NBPF26: variants seen among roughly 807,000 people sequenced by gnomAD.
NBPF26 encodes NBPF family member NBPF26.
A neutral mutation model predicts 119.6 loss-of-function variants in NBPF26; 79 were observed. The ratio of observed to expected loss-of-function variants is 0.66; its 90% CI spans 0.55 to 0.80. The LOEUF (loss-of-function observed/expected upper bound fraction) is 0.80. NBPF26 is among the 30% of genes least tolerant of loss of function. The pLI, the probability that NBPF26 is intolerant of heterozygous loss-of-function variation, is 0.00. For synonymous variants in NBPF26, 299 were observed against 457.7 expected, an observed-to-expected ratio of 0.65 and a Z score of 4.43; for missense variants, 800 against 1,198.2, an observed-to-expected ratio of 0.67 and a Z score of 4.91.
At chr1:120,730,180 T>C (rs1324919296) in intron 1 of NBPF26, among the ~76,000 whole-genome samples, 1 of 7,502 alleles carries the variant, frequency 1.3e-4, no homozygotes, top group Non-Finnish European at 2.4e-4. Flanking sequence ...TGGTGTCCAC[T>C]AAAGAATTCT....
At chr1:120,777,825 C>T (rs1425283857) in intron 2 of NBPF26, among the ~76,000 whole-genome samples, 1 of 110,660 alleles carries the variant, frequency 9.0e-6, no homozygotes, top group Non-Finnish European at 1.7e-5. Flanking sequence ...AGTTAGTTAC[C>T]TTTACACAGA....
At chr1:120,812,921 AAATAAT>A (rs1209954653) in intron 10 of NBPF26, among the ~76,000 whole-genome samples, 1,638 of 111,302 alleles carry the variant, frequency 0.015, 76 homozygotes, top group Middle Eastern at 0.045. Flanking sequence ...AGACTGCTAA[AAATAAT>A]AATAATAATA....
intron 4 of NBPF26, among the ~76,000 whole-genome samples, chr1:120,794,350 G>C (rs1419899811): frequency 9.1e-6 from 1 of 109,930 alleles, no homozygotes; most frequent in Admixed American, 9.0e-5. Context: ...CAAGAATTTT[G>C]ATTGGGAACA....
rs1187906003 is a variant in NBPF26, at chr1:120,760,195, T to C, written c.74-3433T>C. ...TCTACCACAGCTTTTTTTTTTTTTT[T>C]TTTTTTTTTTGAGATGGAGTCTCTC... On this transcript the variant is annotated intron_variant, in intron 1 of 29. Coordinates refer to ENST00000620612, the Ensembl canonical transcript of NBPF26. Among the ~76,000 whole-genome samples the C allele has an allele frequency of 6.9e-5, 4 of 58,296 alleles. 1 individual carries two copies. Among genetic ancestry groups the C allele is most frequent in the Non-Finnish European group, 1.1e-4 (4 of 35,060 alleles). The allele number at this position is 58,296 out of a possible 152,430, so 38.2% of individuals were successfully genotyped here.
chr1:120,790,010 CTTTTTTTTTTT>C lies in NBPF26; in HGVS notation c.416-3137_416-3127del, dbSNP rs1174501165. Among the ~76,000 whole-genome samples, 5 of 34,940 alleles carry C rather than the reference CTTTTTTTTTTT, an allele frequency of 1.4e-4. 1 individual carries two copies. The highest frequency in any genetic ancestry group is 2.0e-4 in the Non-Finnish European group (4 of 19,936). 22.9% of individuals were successfully genotyped at this position (34,940 alleles called of 152,430 possible). A position where few individuals can be genotyped will look rare whatever the true frequency, so the allele number is the denominator to read the frequency against. ...GTGTGTTCTGCAAGATTCTGATCACCTTTTTTTTTTTTTTTTTTTTTTTTGAGATGGAGTAT... is the reference window on the plus strand; with the variant it reads ...GTGTGTTCTGCAAGATTCTGATCACCTTTTTTTTTTTTTGAGATGGAGTAT... On this transcript the variant is annotated intron_variant, in intron 3 of 29. Coordinates refer to ENST00000620612, the Ensembl canonical transcript of NBPF26.
rs1389806403 is a variant in NBPF26 at position 120,737,501 on chromosome 1, C to T, written c.73+13251C>T. 4.9e-4 allele frequency among the ~76,000 whole-genome samples: 18 copies of T among 36,628 alleles called. No individual in the cohort carries two copies. In the East Asian group the frequency reaches 9.9e-3, roughly 20 times the overall value. 24.0% of individuals were successfully genotyped at this position (36,628 alleles called of 152,430 possible). Reference sequence around the variant, plus strand: ...TTAGTCAAGTGATTTTTCCACTATGCTCAGTACTCAAATTATGTATCAATA... The same window carrying T: ...TTAGTCAAGTGATTTTTCCACTATGTTCAGTACTCAAATTATGTATCAATA... On this transcript the variant is annotated intron_variant, in intron 1 of 29. Coordinates refer to ENST00000620612, the Ensembl canonical transcript of NBPF26.
chr1:120,808,462 T>C (rs1651764825), intron 6 of NBPF26, 83 bp from the exon 7 acceptor site: 1 of 1,097,652 alleles, frequency 9.1e-7, no homozygotes, highest in Admixed American at 1.9e-5. Context: ...TTGAGGACAT[T>C]GTCTCAGAAG....
intron 1 of NBPF26, among the ~76,000 whole-genome samples, chr1:120,752,736 A>G (rs1651039742): frequency 1.9e-5 from 1 of 51,736 alleles, no homozygotes; most frequent in East Asian, 4.7e-4. Context: ...ATGCCCAGCT[A>G]ATTTTTTTTT....
intron 4 of NBPF26, 159 bp from the exon 5 acceptor site, chr1:120,805,397 G>C (rs1358323149): frequency 0.024 from 28,326 of 1,187,256 alleles, 6,275 homozygotes; most frequent in African/African-American, 0.2. Flanking sequence ...CTCGAACCTT[G>C]TTTTTGTGGT....
chr1:120,804,631 C>T (rs1651633933), intron 4 of NBPF26, among the ~76,000 whole-genome samples: 1 of 119,136 alleles, frequency 8.4e-6, no homozygotes, highest in South Asian at 2.5e-4. Flanking sequence ...TCTTGTGGCA[C>T]TAGAATGACA....
At chr1:120,822,058 C>A in intron 15 of NBPF26, 46 bp from the exon 16 acceptor site, 1 of 1,446,372 alleles carries the variant, frequency 6.9e-7, no homozygotes, top group South Asian at 1.2e-5. Flanking sequence ...TGTCTAAAGT[C>A]TGTTGGTTAA....
chr1:120,777,824 C>A (rs1651315632), intron 2 of NBPF26, among the ~76,000 whole-genome samples: 1 of 110,670 alleles, frequency 9.0e-6, no homozygotes, highest in South Asian at 2.7e-4. Context: ...TAGTTAGTTA[C>A]CTTTACACAG....
Position 120,724,278 on chromosome 1 carries a change from C to T in NBPF26, c.73+28C>T. On this transcript the variant is annotated intron_variant, in intron 1 of 29. Coordinates refer to ENST00000620612, the Ensembl canonical transcript of NBPF26. ...GAGTATCGGGCTGAGGGGCGCTGTC[C>T]GCGGCGCCCGGGGCTGCCACCTGGG... is the stretch of plus-strand genomic sequence containing the variant. 21 of 1,378,580 alleles carry T rather than the reference C, an allele frequency of 1.5e-5. 5 individuals are homozygous for T. Among genetic ancestry groups the T allele is most frequent in the Admixed American group, 2.3e-5 (1 of 43,626 alleles). The allele number at this position is 1,378,580 out of a possible 1,614,324, so 85.4% of individuals were successfully genotyped here.
At chr1:120,836,449 G>C in intron 24 of NBPF26, 68 bp from the exon 31 acceptor site, 1 of 59,230 alleles carries the variant, frequency 1.7e-5, no homozygotes, top group African/African-American at 7.3e-4. Context: ...GTGAGGATTA[G>C]ACAGTGGATT....
Position 120,785,284 on chromosome 1 carries a change from T to C in NBPF26, c.415+51T>C. 1.5e-5 allele frequency: 21 copies of C among 1,387,802 alleles called. 4 individuals are homozygous for C. The highest frequency in any genetic ancestry group is 2.0e-5 in the Non-Finnish European group (21 of 1,031,082). The allele number at this position is 1,387,802 out of a possible 1,614,324, so 86.0% of individuals were successfully genotyped here. On this transcript the variant is annotated intron_variant, in intron 3 of 29. Coordinates refer to ENST00000620612, the Ensembl canonical transcript of NBPF26. ...CTTCCCTACCTTCAGCAGATACCTT[T>C]ATTTAGCATCTTTTAGATCATGGTG... is the stretch of plus-strand genomic sequence containing the variant.
At chr1:120,759,801 A>T (rs1189844502) in intron 1 of NBPF26, among the ~76,000 whole-genome samples, 1 of 116,380 alleles carries the variant, frequency 8.6e-6, no homozygotes, top group Non-Finnish European at 1.6e-5. Flanking sequence ...AAGGTAGTGT[A>T]TCCTTCATCT....
intron 23 of NBPF26, among the ~76,000 whole-genome samples, 160 bp from the exon 28 acceptor site, chr1:120,833,443 C>G (rs1652406464): frequency 2.0e-5 from 2 of 98,888 alleles, no homozygotes; most frequent in South Asian, 6.7e-4. Context: ...TCTACCTGGC[C>G]CTGTTCTATC....
Position 120,823,752 on chromosome 1 carries a change from C to CTGTGTCTGTG in NBPF26, c.2640-217_2640-216insCTGTGTGTGT. Among the ~76,000 whole-genome samples, 2 of 73,376 alleles carry CTGTGTCTGTG rather than the reference C, an allele frequency of 2.7e-5. 1 individual carries two copies. Among genetic ancestry groups the CTGTGTCTGTG allele is most frequent in the African/African-American group, 2.3e-4 (2 of 8,860 alleles). 48.1% of individuals were successfully genotyped at this position (73,376 alleles called of 152,430 possible). A position where few individuals can be genotyped will look rare whatever the true frequency, so the allele number is the denominator to read the frequency against. On this transcript the variant is annotated intron_variant, in intron 17 of 29. Transcript: ENST00000620612. ...ACCTGACCAATTCACTGAGCTCGCT[C>CTGTGTCTGTG]TGTGTGTGTGTGTGTGTGTGTGTGT...
intron 3 of NBPF26, among the ~76,000 whole-genome samples, chr1:120,789,987 G>A (rs1651465568): frequency 1.3e-5 from 1 of 77,612 alleles, no homozygotes; most frequent in Admixed American, 1.2e-4. Flanking sequence ...TCTTCTTGGT[G>A]TGTTCTGCAA....
Sources: allele counts gnomAD v4.1 joint callset (sites outside exome capture counted in the v4.1 genomes callset), GRCh38; gene constraint gnomAD v4.1.1; transcripts MANE v1.5; gene names NCBI Gene and HGNC (gene_info 2026-07-23, HGNC 2026-07-21).